Variants in MDGA2 observed in about 807,000 individuals in gnomAD.
The protein encoded by MDGA2 is MAM domain containing glycosylphosphatidylinositol anchor 2.
A neutral mutation model predicts 117.8 loss-of-function variants in MDGA2; 40 were observed. The observed-to-expected ratio is 0.34, with a 90% CI of 0.26 to 0.44. The LOEUF (loss-of-function observed/expected upper bound fraction) is 0.44. Among genes scored for constraint, MDGA2 ranks in the 20% least tolerant of loss-of-function variants. The pLI is 1.00. For missense variants in MDGA2, 1,123 were observed against 1,250.6 expected (o/e 0.90, Z 1.54); for synonymous variants, 452 against 439.0 (o/e 1.03, Z -0.37).
rs531801844 is a variant in MDGA2, at chr14:46,865,424, A to G, written c.2752+8009T>C. ...TAAGAGCTATCTATGACAAACCCAC[A>G]GCCAATATCATACTGAATGGGCAAA... On this transcript the variant is annotated intron_variant, in intron 14 of 16. Transcript: ENST00000399232. Among the ~76,000 whole-genome samples, 339 of 152,278 alleles carry G rather than the reference A, an allele frequency of 2.2e-3. 1 individual carries two copies. Among genetic ancestry groups the G allele is most frequent in the African/African-American group, 7.8e-3 (324 of 41,552 alleles).
chr14:47,591,899 T>C (rs1300094997), intron 1 of MDGA2, among the ~76,000 whole-genome samples: 3 of 152,106 alleles, frequency 2.0e-5, no homozygotes, highest in Admixed American at 2.0e-4. Flanking sequence ...CTCTCACTCC[T>C]ATTCAACATA....
intron 1 of MDGA2, among the ~76,000 whole-genome samples, chr14:47,402,812 T>C (rs1892183307): frequency 6.6e-6 from 1 of 152,106 alleles, no homozygotes; most frequent in African/African-American, 2.4e-5. Flanking sequence ...ATTAAAAATG[T>C]ACCCATTAAG....
chr14:47,480,363 A>T (rs940986569), intron 1 of MDGA2, among the ~76,000 whole-genome samples: 1 of 152,028 alleles, frequency 6.6e-6, no homozygotes, highest in Non-Finnish European at 1.5e-5. Flanking sequence ...TGTTCCTAGC[A>T]TGTCTTCTAA....
chr14:47,064,815 C>A (rs1178744264), intron 6 of MDGA2, among the ~76,000 whole-genome samples: 1 of 152,010 alleles, frequency 6.6e-6, no homozygotes, highest in Non-Finnish European at 1.5e-5. Context: ...TTTCCGTGAA[C>A]AATTTATAGT....
At chr14:47,010,076 T>C (rs1055571234) in intron 8 of MDGA2, among the ~76,000 whole-genome samples, 1 of 152,078 alleles carries the variant, frequency 6.6e-6, no homozygotes, top group Non-Finnish European at 1.5e-5. Context: ...TCTTCCTCCA[T>C]TAATGATCTT....
At chr14:47,367,486 A>C (rs949105335) in intron 1 of MDGA2, among the ~76,000 whole-genome samples, 3 of 152,224 alleles carry the variant, frequency 2.0e-5, no homozygotes, top group Non-Finnish European at 4.4e-5. Context: ...AAGTAATAAT[A>C]AATTTGATGT....
chr14:47,642,076 G>A (rs1199059473), intron 1 of MDGA2, among the ~76,000 whole-genome samples: 2 of 152,054 alleles, frequency 1.3e-5, no homozygotes, highest in Admixed American at 6.6e-5. Context: ...AAATAAGGAG[G>A]GGAGAAGATT....
intron 2 of MDGA2, among the ~76,000 whole-genome samples, chr14:47,271,198 G>A (rs1011893218): frequency 2.0e-5 from 3 of 152,112 alleles, no homozygotes; most frequent in African/African-American, 7.2e-5. Context: ...CTTTGCATTA[G>A]TGCTGCTCCA....
At chr14:47,616,940 A>C (rs543478399) in intron 1 of MDGA2, among the ~76,000 whole-genome samples, 42 of 152,304 alleles carry the variant, frequency 2.8e-4, no homozygotes, top group African/African-American at 9.4e-4. Flanking sequence ...GCCTCATATC[A>C]AGTGCTCAAA....
chr14:47,624,233 G>A lies in MDGA2; in HGVS notation c.280+50284C>T, dbSNP rs573582558. Among the ~76,000 whole-genome samples, 13 of 152,254 alleles carry A rather than the reference G, an allele frequency of 8.5e-5. No homozygotes were observed. In the East Asian group the frequency reaches 1.7e-3, roughly 20 times the overall value. ...AGCACTTTGAAAGGCCGAGGCGGGC[G>A]GATCACCTGAGGTCAGGAGTTCAAG... On this transcript the variant is annotated intron_variant, in intron 1 of 16. Coordinates refer to ENST00000399232, the MANE Select transcript of MDGA2 (RefSeq NM_001113498.3).
At chr14:47,472,720 G>A (rs1021753368) in intron 1 of MDGA2, among the ~76,000 whole-genome samples, 10 of 152,084 alleles carry the variant, frequency 6.6e-5, no homozygotes, top group Non-Finnish European at 2.9e-5. Context: ...GGGTGAAGAT[G>A]TTTAATGCAA....
At chr14:47,587,827 T>C (rs1385597077) in intron 1 of MDGA2, among the ~76,000 whole-genome samples, 1 of 151,914 alleles carries the variant, frequency 6.6e-6, no homozygotes, top group Non-Finnish European at 1.5e-5. Context: ...TTCCAGAATG[T>C]TTTCATCATC....
At chr14:47,262,285 A>C (rs953134000) in intron 2 of MDGA2, among the ~76,000 whole-genome samples, 2 of 152,164 alleles carry the variant, frequency 1.3e-5, no homozygotes, top group Non-Finnish European at 2.9e-5. Context: ...GGAATGGTGT[A>C]GTGGTTAAAA....
intron 3 of MDGA2, chr14:47,201,000 G>GAC (rs1885484933): frequency 1.2e-6 from 1 of 858,936 alleles, no homozygotes; most frequent in African/African-American, 1.6e-5. Context: ...CGCAGCATAC[G>GAC]ACCACCACTT....
At chr14:47,411,985 C>A (rs1044669835) in intron 1 of MDGA2, among the ~76,000 whole-genome samples, 5 of 152,126 alleles carry the variant, frequency 3.3e-5, no homozygotes, top group Non-Finnish European at 7.3e-5. Flanking sequence ...AATTGGGAAA[C>A]AAAATCACAG....
chr14:47,089,522 C>A (rs949894373), intron 6 of MDGA2, among the ~76,000 whole-genome samples: 1 of 151,922 alleles, frequency 6.6e-6, no homozygotes, highest in African/African-American at 2.4e-5. Flanking sequence ...ATTATAGGTG[C>A]GAGCTGCCAC....
At chr14:47,600,601 C>A (rs1896629899) in intron 1 of MDGA2, among the ~76,000 whole-genome samples, 1 of 151,810 alleles carries the variant, frequency 6.6e-6, no homozygotes, top group South Asian at 2.1e-4. Context: ...GAGTTCTATG[C>A]TGTTGAGATA....
chr14:47,301,408 C>A lies in MDGA2; in HGVS notation c.420+3G>T. ...TTCTCCAGTGTCACAGTTCGGGACT[C>A]ACCTGTGGACGTGGATGTCCTGTGA... On this transcript the variant is annotated splice_donor_region_variant and intron_variant, in intron 2 of 16. Transcript: ENST00000399232. 6.4e-7 allele frequency: 1 copy of A among 1,551,718 alleles called. No individual in the cohort carries two copies. Among genetic ancestry groups the A allele is most frequent in the Middle Eastern group, 1.7e-4 (1 of 5,956 alleles).
chr14:47,186,094 C>T (rs994930576), intron 3 of MDGA2, among the ~76,000 whole-genome samples: 24 of 151,092 alleles, frequency 1.6e-4, no homozygotes, highest in Admixed American at 7.3e-4. Flanking sequence ...ATAAAAAATT[C>T]GGGGCCAAAT....
Sources: gnomAD v4.1 joint callset for allele counts (sites outside exome capture counted in the v4.1 genomes callset) on GRCh38, gnomAD v4.1.1 for gene constraint, MANE v1.5 for transcripts, NCBI Gene and HGNC (gene_info 2026-07-23, HGNC 2026-07-21) for gene names.